Variants in POU2F1 observed in about 807,000 individuals in gnomAD.
The protein encoded by POU2F1 is POU class 2 homeobox 1.
Under a neutral mutation model 84.9 loss-of-function variants are expected in POU2F1, and 16 were observed. That is an observed-to-expected ratio of 0.19 (90% CI 0.13 to 0.29). The LOEUF (loss-of-function observed/expected upper bound fraction) is 0.29. Among genes scored for constraint, POU2F1 ranks in the 10% least tolerant of loss-of-function variants. POU2F1 has a pLI of 1.00. For missense variants in POU2F1, 738 were observed against 942.6 expected, an observed-to-expected ratio of 0.78 and a Z score of 2.84; for synonymous variants, 368 against 368.3, an observed-to-expected ratio of 1.00 and a Z score of 0.01.
intron 2 of POU2F1, among the ~76,000 whole-genome samples, chr1:167,350,803 A>G (rs1274969447): frequency 6.6e-6 from 1 of 152,116 alleles, no homozygotes; most frequent in Non-Finnish European, 1.5e-5. Context: ...GTTCGAGACC[A>G]GCCTGACCAA....
At chr1:167,367,420 T>C (rs1659754002) in intron 3 of POU2F1, among the ~76,000 whole-genome samples, 1 of 152,172 alleles carries the variant, frequency 6.6e-6, no homozygotes, top group African/African-American at 2.4e-5. Context: ...TTGAATAAAG[T>C]CATAGATGAC....
At chr1:167,261,522 A>T (rs1438377450) in intron 1 of POU2F1, among the ~76,000 whole-genome samples, 2 of 152,134 alleles carry the variant, frequency 1.3e-5, no homozygotes, top group Non-Finnish European at 2.9e-5. Context: ...AGGGGAACAC[A>T]TTGTTTTAGA....
intron 2 of POU2F1, among the ~76,000 whole-genome samples, chr1:167,332,851 A>G (rs576783672): frequency 1.3e-5 from 2 of 152,302 alleles, no homozygotes; most frequent in East Asian, 1.9e-4. Flanking sequence ...ACTTTAGGCA[A>G]TTTCCCCAAT....
At chr1:167,247,386 T>G (rs534281260) in intron 1 of POU2F1, among the ~76,000 whole-genome samples, 56 of 152,270 alleles carry the variant, frequency 3.7e-4, no homozygotes, top group Non-Finnish European at 3.8e-4. Flanking sequence ...AATTTTTATA[T>G]CTCCGAATTT....
intron 1 of POU2F1, among the ~76,000 whole-genome samples, chr1:167,323,251 G>T (rs982273940): frequency 2.0e-5 from 3 of 152,340 alleles, no homozygotes; most frequent in Admixed American, 6.5e-5. Flanking sequence ...TGTAGGATAG[G>T]CTAGACAGAT....
intron 2 of POU2F1, among the ~76,000 whole-genome samples, chr1:167,348,947 A>G (rs1658380677): frequency 2.0e-5 from 3 of 151,838 alleles, no homozygotes. Context: ...CTTTTCATAG[A>G]TATCTTATTT....
chr1:167,230,575 T>C (rs1497863), intron 1 of POU2F1, among the ~76,000 whole-genome samples: 42,191 of 151,970 alleles, frequency 0.28, 6,072 homozygotes, highest in Middle Eastern at 0.44. Context: ...CTTGAAAACT[T>C]TTGTCCTTAT....
rs1397216484 is a variant in POU2F1, at chr1:167,413,117, C to G, written c.1990+3C>G. ...CAGTACACTGGCAACTATTCAAGGTCAGTAGAAGCCTTTTTCTTAATTTGG... is the reference window on the plus strand; with the variant it reads ...CAGTACACTGGCAACTATTCAAGGTGAGTAGAAGCCTTTTTCTTAATTTGG... On this transcript the variant is annotated splice_donor_region_variant and intron_variant, in intron 15 of 15. Transcript: ENST00000367866. 6.2e-7 allele frequency: 1 copy of G among 1,608,686 alleles called. No homozygotes were observed. The highest frequency in any genetic ancestry group is 1.1e-5 in the South Asian group (1 of 90,946).
intron 13 of POU2F1, among the ~76,000 whole-genome samples, chr1:167,409,790 G>A (rs781268113): frequency 4.6e-5 from 7 of 152,072 alleles, no homozygotes; most frequent in Non-Finnish European, 1.0e-4. Flanking sequence ...CAAGATATTA[G>A]GACTTATAAA....
chr1:167,387,666 T>C (rs1368000065), intron 8 of POU2F1, among the ~76,000 whole-genome samples: 1 of 152,204 alleles, frequency 6.6e-6, no homozygotes, highest in African/African-American at 2.4e-5. Context: ...TATCTGTAAT[T>C]CTGGTTTATA....
chr1:167,242,825 T>C (rs982123093), intron 1 of POU2F1, among the ~76,000 whole-genome samples: 1 of 152,224 alleles, frequency 6.6e-6, no homozygotes, highest in African/African-American at 2.4e-5. Context: ...TGTCTCCTTT[T>C]GCGTAGGATA....
intron 3 of POU2F1, among the ~76,000 whole-genome samples, chr1:167,367,710 C>CT (rs1659770209): frequency 6.6e-6 from 1 of 152,004 alleles, no homozygotes; most frequent in Non-Finnish European, 1.5e-5. Flanking sequence ...TGCTTTATAC[C>CT]ATATGTGTAT....
intron 13 of POU2F1, among the ~76,000 whole-genome samples, chr1:167,407,841 T>G (rs1360665575): frequency 1.3e-5 from 2 of 152,174 alleles, no homozygotes; most frequent in East Asian, 3.8e-4. Flanking sequence ...GACCTTGGGT[T>G]AAGCACAGAG....
chr1:167,375,962 A>T, intron 6 of POU2F1, 67 bp from the exon 7 acceptor site: 1 of 1,563,764 alleles, frequency 6.4e-7, no homozygotes, highest in Non-Finnish European at 8.8e-7. Context: ...CATCAGCTGG[A>T]AGCCTTATAA....
At chr1:167,333,809 C>T (rs1657236318) in intron 2 of POU2F1, among the ~76,000 whole-genome samples, 1 of 152,132 alleles carries the variant, frequency 6.6e-6, no homozygotes, top group African/African-American at 2.4e-5. Flanking sequence ...TCTCTGTCCC[C>T]TGTTTGGACT....
intron 2 of POU2F1, chr1:167,338,126 G>A: frequency 4.3e-6 from 2 of 461,156 alleles, no homozygotes; most frequent in South Asian, 3.1e-5. Context: ...TGCCTCTCCT[G>A]CCTCCCCTTC....
intron 2 of POU2F1, chr1:167,338,174 C>G (rs1245513938): frequency 4.3e-6 from 2 of 468,304 alleles, no homozygotes; most frequent in African/African-American, 4.0e-5. Context: ...GTCAGCAAGA[C>G]CCCTCCTGTT....
chr1:167,242,404 G>T (rs377070866), intron 1 of POU2F1, among the ~76,000 whole-genome samples: 18 of 152,336 alleles, frequency 1.2e-4, no homozygotes, highest in African/African-American at 3.6e-4. Context: ...TGCCCTTGAT[G>T]ATTCTGCAAA....
intron 2 of POU2F1, among the ~76,000 whole-genome samples, chr1:167,334,665 C>T (rs2101735912): frequency 6.6e-6 from 1 of 152,246 alleles, no homozygotes; most frequent in Middle Eastern, 3.4e-3. Flanking sequence ...GAATGTGTGG[C>T]AGACTGGTTC....
Sources: allele counts gnomAD v4.1 joint callset (sites outside exome capture counted in the v4.1 genomes callset), GRCh38; gene constraint gnomAD v4.1.1; transcripts MANE v1.5; gene names NCBI Gene and HGNC (gene_info 2026-07-23, HGNC 2026-07-21).